IL33: variants seen among roughly 807,000 people sequenced by gnomAD.
IL33 encodes the protein interleukin-33.
IL33 carries 37 observed loss-of-function variants against 27.3 expected under a neutral mutation model. The ratio of observed to expected loss-of-function variants is 1.36; its 90% CI spans 1.04 to 1.78. IL33 has a LOEUF of 1.78. IL33 is among the 40% of genes most tolerant of loss of function. The pLI is 0.00. For synonymous variants in IL33, 132 were observed against 102.9 expected, an observed-to-expected ratio of 1.28 and a Z score of -1.71; for missense variants, 406 against 311.4, an observed-to-expected ratio of 1.30 and a Z score of -2.29.
At chr9:6,224,930 C>T (rs1818564777) in intron 1 of IL33, among the ~76,000 whole-genome samples, 1 of 151,842 alleles carries the variant, frequency 6.6e-6, no homozygotes, top group South Asian at 2.1e-4. Flanking sequence ...TCTACTGACT[C>T]AGGTATATAT....
At position 6,256,079 on chromosome 9, in the gene IL33, G is replaced by A. The variant is rs765195490; in HGVS notation, c.724G>A (p.Val242Ile). ...GACTGATCCTGGAGTGTTTATAGGT[G>A]TAAAGGATAATCATCTTGCTCTGAT... ...CKTDPGVFIGVKDNHLALIKV... is the reference protein window; with the variant it reads ...CKTDPGVFIGIKDNHLALIKV... Residue 242 changes from valine to isoleucine, a missense_variant, in exon 8 of 8, where the codon GTA becomes ATA. Transcript: ENST00000682010. 6.2e-7 allele frequency: 1 copy of A among 1,613,120 alleles called. No individual in the cohort carries two copies. The highest frequency in any genetic ancestry group is 8.5e-7 in the Non-Finnish European group (1 of 1,179,168).
intron 6 of IL33, 47 bp downstream of exon 6, chr9:6,253,649 G>A: frequency 6.8e-7 from 1 of 1,463,320 alleles, no homozygotes; most frequent in Admixed American, 1.9e-5. Context: ...TCTTAAGTAT[G>A]GGGTAAAGAT....
chr9:6,237,817 C>A (rs185170892), intron 1 of IL33, among the ~76,000 whole-genome samples: 1 of 152,148 alleles, frequency 6.6e-6, no homozygotes, highest in Admixed American at 6.5e-5. Context: ...ATATAAGTAT[C>A]TTTGGGTAGA....
chr9:6,255,319 G>A (rs7047921), intron 7 of IL33, among the ~76,000 whole-genome samples: 53,839 of 151,880 alleles, frequency 0.35, 9,935 homozygotes, highest in East Asian at 0.47. Flanking sequence ...ATAGTGGATA[G>A]TAACCAGCAT....
At chr9:6,233,572 A>G (rs906468811) in intron 1 of IL33, among the ~76,000 whole-genome samples, 5 of 152,246 alleles carry the variant, frequency 3.3e-5, no homozygotes, top group South Asian at 4.1e-4. Context: ...GACAATAATA[A>G]TAACAAACAT....
chr9:6,215,652 T>C (rs943025958), upstream of IL33: 1 of 152,224 alleles, frequency 6.6e-6, no homozygotes, highest in Non-Finnish European at 1.5e-5. Context: ...CAGAAAGTAG[T>C]GAGCCTTAGA....
At chr9:6,221,078 A>G (rs977049558) in intron 1 of IL33, among the ~76,000 whole-genome samples, 9 of 152,182 alleles carry the variant, frequency 5.9e-5, no homozygotes, top group African/African-American at 2.2e-4. Context: ...TTCCTTTAGT[A>G]ATATTTCATT....
intron 1 of IL33, among the ~76,000 whole-genome samples, chr9:6,234,993 T>C (rs1438460393): frequency 1.3e-5 from 2 of 152,226 alleles, no homozygotes; most frequent in Admixed American, 6.5e-5. Context: ...AGTTGTGGTA[T>C]GTATTTGGAA....
At chr9:6,228,795 A>G (rs2130167476) in intron 1 of IL33, among the ~76,000 whole-genome samples, 1 of 151,760 alleles carries the variant, frequency 6.6e-6, no homozygotes, top group South Asian at 2.1e-4. Context: ...TCAGTGAGGC[A>G]ATGATCATGC....
chr9:6,233,886 C>A (rs1481327396), intron 1 of IL33, among the ~76,000 whole-genome samples: 1 of 152,110 alleles, frequency 6.6e-6, no homozygotes, highest in African/African-American at 2.4e-5. Context: ...CTTACTTCCT[C>A]CTTCTCCACT....
chr9:6,254,699 C>T (rs987736872), intron 7 of IL33, 146 bp downstream of exon 7: 3 of 384,926 alleles, frequency 7.8e-6, no homozygotes, highest in East Asian at 7.6e-5. Flanking sequence ...CAATCACTTA[C>T]TACAAATGAC....
chr9:6,233,349 C>T (rs776414108), intron 1 of IL33, among the ~76,000 whole-genome samples: 2 of 152,148 alleles, frequency 1.3e-5, no homozygotes, highest in Non-Finnish European at 2.9e-5. Context: ...TTCACATCTT[C>T]TCTCATTCTC....
chr9:6,249,621 C>T (rs1816212295), intron 2 of IL33, among the ~76,000 whole-genome samples: 1 of 151,968 alleles, frequency 6.6e-6, no homozygotes, highest in South Asian at 2.1e-4. Context: ...TTTTGTTAGT[C>T]CCTCAAATTG....
intron 1 of IL33, among the ~76,000 whole-genome samples, chr9:6,233,726 A>G (rs1028779099): frequency 3.3e-5 from 5 of 152,210 alleles, no homozygotes; most frequent in African/African-American, 1.2e-4. Context: ...CATTATTATT[A>G]AGAAACTGAG....
rs1816734518 is a variant in IL33 at position 6,256,399 on chromosome 9, T to C, written c.*231T>C. 1 of 524,768 alleles carries C rather than the reference T, an allele frequency of 1.9e-6. No homozygotes were observed. The highest frequency in any genetic ancestry group is 1.9e-5 in the African/African-American group (1 of 51,628). 32.5% of individuals were successfully genotyped at this position (524,768 alleles called of 1,614,324 possible). A position where few individuals can be genotyped will look rare whatever the true frequency, so the allele number is the denominator to read the frequency against. On this transcript the variant is annotated 3_prime_UTR_variant, in exon 8 of 8. Coordinates refer to ENST00000682010, the MANE Select transcript of IL33 (RefSeq NM_033439.4). ...ACAAGTATCAGTATATTAAATAGGG[T>C]ATTGGTAAAGAAACGGTCAACATTC... is the stretch of plus-strand genomic sequence containing the variant.
At chr9:6,221,931 G>C (rs543557351) in intron 1 of IL33, among the ~76,000 whole-genome samples, 9 of 152,180 alleles carry the variant, frequency 5.9e-5, no homozygotes, top group Non-Finnish European at 1.3e-4. Flanking sequence ...ACTAAGCCCA[G>C]CTACCAGGTA....
upstream of IL33, among the ~76,000 whole-genome samples, chr9:6,215,272 C>T (rs1045502165): frequency 1.3e-5 from 2 of 151,970 alleles, no homozygotes; most frequent in African/African-American, 2.4e-5. Context: ...TTATCTTCTG[C>T]GAGATTTTTG....
intron 1 of IL33, 88 bp downstream of exon 1, chr9:6,215,940 C>G (rs1409123387): frequency 6.9e-6 from 1 of 145,072 alleles, no homozygotes; most frequent in Admixed American, 6.8e-5. Context: ...TTTTTTTTTT[C>G]CTGAAAAATA....
chr9:6,216,597 A>T (rs1818154130), intron 1 of IL33, among the ~76,000 whole-genome samples: 1 of 151,974 alleles, frequency 6.6e-6, no homozygotes, highest in African/African-American at 2.4e-5. Context: ...AAACAAACAA[A>T]ACTAGCTGGG....
Sources: gnomAD v4.1 joint callset for allele counts (sites outside exome capture counted in the v4.1 genomes callset) on GRCh38, gnomAD v4.1.1 for gene constraint, MANE v1.5 for transcripts, NCBI Gene and HGNC (gene_info 2026-07-23, HGNC 2026-07-21) for gene names.